PRRX1: variants seen among roughly 807,000 people sequenced by gnomAD.
PRRX1 encodes paired mesoderm homeobox protein 1.
Under a neutral mutation model 24.0 loss-of-function variants are expected in PRRX1, and 8 were observed. The observed-to-expected ratio is 0.33, with a 90% CI of 0.20 to 0.60. PRRX1 has a LOEUF of 0.60. Among genes scored for constraint, PRRX1 ranks in the 20% least tolerant of loss-of-function variants. The pLI, the probability that PRRX1 is intolerant of heterozygous loss-of-function variation, is 0.82. For missense variants in PRRX1, 281 were observed against 322.4 expected (o/e 0.87, Z 0.98); for synonymous variants, 160 against 131.7 (o/e 1.22, Z -1.47).
At chr1:170,668,628 C>A (rs1449694971) in intron 1 of PRRX1, 3 of 152,228 alleles carry the variant, frequency 2.0e-5, no homozygotes, top group African/African-American at 4.8e-5. Flanking sequence ...CACACTCTCT[C>A]GGGACCTTGC....
At chr1:170,681,927 A>G (rs1558046658) in intron 1 of PRRX1, among the ~76,000 whole-genome samples, 1 of 152,238 alleles carries the variant, frequency 6.6e-6, no homozygotes. Flanking sequence ...ATTTATAGCC[A>G]AGAATATAAT....
chr1:170,676,337 T>C (rs894308161), intron 1 of PRRX1, among the ~76,000 whole-genome samples: 10 of 152,136 alleles, frequency 6.6e-5, no homozygotes, highest in African/African-American at 2.4e-4. Context: ...CTCTCTTTTT[T>C]TTTTCTTTAC....
chr1:170,733,997 G>A (rs953094669), intron 3 of PRRX1, among the ~76,000 whole-genome samples: 4 of 152,058 alleles, frequency 2.6e-5, no homozygotes, highest in Non-Finnish European at 5.9e-5. Flanking sequence ...ACCTTAACTG[G>A]GAACTCTTCT....
intron 3 of PRRX1, among the ~76,000 whole-genome samples, chr1:170,729,866 T>C: frequency 6.6e-6 from 1 of 152,312 alleles, no homozygotes; most frequent in East Asian, 1.9e-4. Flanking sequence ...ACTATTTTTC[T>C]TAGGCAACTT....
chr1:170,714,795 A>G (rs996519736), intron 1 of PRRX1, among the ~76,000 whole-genome samples: 2 of 152,196 alleles, frequency 1.3e-5, no homozygotes, highest in Non-Finnish European at 2.9e-5. Flanking sequence ...TTCAGCAGCC[A>G]CATGAGGAGT....
At chr1:170,679,516 T>C (rs529566695) in intron 1 of PRRX1, among the ~76,000 whole-genome samples, 8 of 152,202 alleles carry the variant, frequency 5.3e-5, no homozygotes, top group East Asian at 1.9e-4. Context: ...TCTCCTGCCT[T>C]AGCCTCCCTA....
rs779765721 is a variant in PRRX1 at position 170,737,853 on chromosome 1, A to G, written c.*1667A>G. On this transcript the variant is annotated 3_prime_UTR_variant, in exon 4 of 4. Coordinates refer to ENST00000239461, the MANE Select transcript of PRRX1 (RefSeq NM_022716.4). ...TGAGGCTCTATTCATTTGCTCCTTTATTCTTTCCTGTATTCTCTGTATGTC... is the reference window on the plus strand; with the variant it reads ...TGAGGCTCTATTCATTTGCTCCTTTGTTCTTTCCTGTATTCTCTGTATGTC... The G allele has an allele frequency of 1.3e-4, 28 of 214,708 alleles. No homozygotes were observed. Among genetic ancestry groups the G allele is most frequent in the Non-Finnish European group, 2.3e-4 (24 of 106,156 alleles). The allele number at this position is 214,708 out of a possible 1,614,324, so 13.3% of individuals were successfully genotyped here. A position where few individuals can be genotyped will look rare whatever the true frequency, so the allele number is the denominator to read the frequency against.
chr1:170,717,466 C>T (rs955170456), intron 1 of PRRX1, among the ~76,000 whole-genome samples: 3 of 152,190 alleles, frequency 2.0e-5, no homozygotes, highest in Non-Finnish European at 2.9e-5. Flanking sequence ...TTTGTGGTTG[C>T]ACCTAAGAAA....
At chr1:170,719,926 C>T (rs754361477) in intron 2 of PRRX1, 25 bp downstream of exon 2, 3 of 1,612,742 alleles carry the variant, frequency 1.9e-6, no homozygotes, top group African/African-American at 1.3e-5. Flanking sequence ...GAGAGGCTGG[C>T]ACCAAGTAGT....
intron 3 of PRRX1, 78 bp downstream of exon 3, chr1:170,726,479 C>A: frequency 4.0e-6 from 6 of 1,502,308 alleles, no homozygotes; most frequent in Non-Finnish European, 5.5e-6. Context: ...GCTGCTTGTG[C>A]AGCTCACCGA....
At chr1:170,721,363 T>C (rs1655078992) in intron 2 of PRRX1, among the ~76,000 whole-genome samples, 1 of 152,194 alleles carries the variant, frequency 6.6e-6, no homozygotes, top group Non-Finnish European at 1.5e-5. Context: ...GATAACCCTC[T>C]TGAACAGCCA....
At chr1:170,722,257 C>T (rs1655114605) in intron 2 of PRRX1, among the ~76,000 whole-genome samples, 1 of 152,146 alleles carries the variant, frequency 6.6e-6, no homozygotes, top group Admixed American at 6.5e-5. Flanking sequence ...TTTATCATAA[C>T]ATGAAATGTA....
At chr1:170,689,268 C>G (rs149132171) in intron 1 of PRRX1, among the ~76,000 whole-genome samples, 12 of 151,994 alleles carry the variant, frequency 7.9e-5, no homozygotes, top group South Asian at 2.1e-4. Flanking sequence ...TAGTGAGACT[C>G]TTTCTGTGGA....
chr1:170,677,776 G>A (rs1052799268), intron 1 of PRRX1, among the ~76,000 whole-genome samples: 5 of 152,102 alleles, frequency 3.3e-5, no homozygotes, highest in South Asian at 2.1e-4. Flanking sequence ...CTCTCTCAGC[G>A]TGAAACAATA....
At chr1:170,701,002 G>A (rs964018816) in intron 1 of PRRX1, among the ~76,000 whole-genome samples, 1 of 152,140 alleles carries the variant, frequency 6.6e-6, no homozygotes, top group Non-Finnish European at 1.5e-5. Context: ...TCATAGGGCT[G>A]TTATGAGGAA....
rs71125270 is a variant in PRRX1, at chr1:170,705,935, TACACACAC to T, written c.242-13765_242-13758del. ...CCACATAGACACACACACACACACA[TACACACAC>T]ACACACACACACACACACACACACA... On this transcript the variant is annotated intron_variant, in intron 1 of 3. Coordinates refer to ENST00000239461, the MANE Select transcript of PRRX1 (RefSeq NM_022716.4). Among the ~76,000 whole-genome samples, 796 of 146,528 alleles carry T rather than the reference TACACACAC, an allele frequency of 5.4e-3. 4 individuals are homozygous for T. The highest frequency in any genetic ancestry group is 0.018 in the African/African-American group (723 of 40,098).
intron 1 of PRRX1, among the ~76,000 whole-genome samples, chr1:170,670,477 GT>G (rs1309659108): frequency 6.6e-6 from 1 of 152,160 alleles, no homozygotes; most frequent in Non-Finnish European, 1.5e-5. Flanking sequence ...GTCATTAGTG[GT>G]TCAGGGTTGG....
At chr1:170,732,096 G>T (rs148212309) in intron 3 of PRRX1, among the ~76,000 whole-genome samples, 1 of 152,270 alleles carries the variant, frequency 6.6e-6, no homozygotes, top group East Asian at 1.9e-4. Context: ...TCTGGTTGTT[G>T]TCATGTGCTT....
At chr1:170,707,007 C>G (rs182075863) in intron 1 of PRRX1, among the ~76,000 whole-genome samples, 4 of 152,094 alleles carry the variant, frequency 2.6e-5, no homozygotes, top group African/African-American at 9.6e-5. Flanking sequence ...CAACTGCAGT[C>G]CCAGCTACTG....
Sources: gnomAD v4.1 joint callset for allele counts (sites outside exome capture counted in the v4.1 genomes callset) on GRCh38, gnomAD v4.1.1 for gene constraint, MANE v1.5 for transcripts, NCBI Gene and HGNC (gene_info 2026-07-23, HGNC 2026-07-21) for gene names.